The following SPOCK1 variants were observed in gnomAD, a reference collection of about 807,000 sequenced individuals.
SPOCK1 encodes testican-1.
SPOCK1 carries 23 observed loss-of-function variants against 55.3 expected under a neutral mutation model. The ratio of observed to expected loss-of-function variants is 0.42; its 90% CI spans 0.30 to 0.59. SPOCK1 has a LOEUF of 0.59. SPOCK1 is among the 20% of genes least tolerant of loss of function. SPOCK1 has a pLI of 0.22. For missense variants in SPOCK1, 499 were observed against 552.5 expected (o/e 0.90, Z 0.97); for synonymous variants, 226 against 221.0 (o/e 1.02, Z -0.20).
intron 6 of SPOCK1, 112 bp downstream of exon 6, chr5:137,067,603 T>C (rs1039295898): frequency 1.6e-5 from 14 of 861,948 alleles, no homozygotes; most frequent in Non-Finnish European, 2.6e-5. Context: ...ACCTGTCATG[T>C]CTGCTCATTT....
chr5:137,166,306 G>C (rs1425987460), intron 3 of SPOCK1, among the ~76,000 whole-genome samples: 1 of 152,036 alleles, frequency 6.6e-6, no homozygotes, highest in Admixed American at 6.6e-5. Context: ...CCCTAGAAAA[G>C]TGTATCTGGT....
intron 3 of SPOCK1, among the ~76,000 whole-genome samples, chr5:137,207,941 T>G (rs1426457352): frequency 6.6e-6 from 1 of 152,046 alleles, no homozygotes; most frequent in East Asian, 1.9e-4. Context: ...AATCAGAAAT[T>G]TCATCCTTTA....
intron 2 of SPOCK1, among the ~76,000 whole-genome samples, chr5:137,361,875 C>T (rs1750954010): frequency 6.6e-6 from 1 of 152,158 alleles, no homozygotes; most frequent in African/African-American, 2.4e-5. Context: ...AGTTCATGTT[C>T]CCAGAGTTTA....
chr5:137,265,086 G>A (rs961614230), intron 3 of SPOCK1, among the ~76,000 whole-genome samples: 1 of 152,150 alleles, frequency 6.6e-6, no homozygotes, highest in Non-Finnish European at 1.5e-5. Flanking sequence ...TCATTCCTAG[G>A]AGAGAAAAAT....
chr5:137,339,284 C>T (rs1750361036), intron 2 of SPOCK1, among the ~76,000 whole-genome samples: 1 of 152,356 alleles, frequency 6.6e-6, no homozygotes, highest in South Asian at 2.1e-4. Flanking sequence ...GTGACCCAAA[C>T]CTAAGTCAAC....
intron 3 of SPOCK1, among the ~76,000 whole-genome samples, chr5:137,239,588 A>C (rs1320892532): frequency 6.6e-6 from 1 of 152,066 alleles, no homozygotes; most frequent in Non-Finnish European, 1.5e-5. Flanking sequence ...TCTGACACCA[A>C]CTCCAAGTGG....
At chr5:137,030,506 T>G (rs1025638723) in intron 6 of SPOCK1, among the ~76,000 whole-genome samples, 2 of 152,158 alleles carry the variant, frequency 1.3e-5, no homozygotes, top group African/African-American at 2.4e-5. Flanking sequence ...ACCTCACAAG[T>G]AATCAAAGCA....
chr5:137,210,816 A>T (rs1459189721), intron 3 of SPOCK1, among the ~76,000 whole-genome samples: 3 of 152,244 alleles, frequency 2.0e-5, no homozygotes, highest in African/African-American at 7.2e-5. Flanking sequence ...GCTTTATGCC[A>T]GTTAGGGAAG....
At chr5:137,459,642 C>A (rs1753439723) in intron 2 of SPOCK1, among the ~76,000 whole-genome samples, 2 of 152,034 alleles carry the variant, frequency 1.3e-5, no homozygotes, top group African/African-American at 4.8e-5. Flanking sequence ...CATGTGGTTT[C>A]CAGCTTGTTC....
intron 3 of SPOCK1, among the ~76,000 whole-genome samples, chr5:137,145,565 C>A (rs1366349906): frequency 6.6e-6 from 1 of 152,172 alleles, no homozygotes; most frequent in African/African-American, 2.4e-5. Flanking sequence ...TGGGGGAAAT[C>A]ACACACATTT....
At chr5:137,108,523 A>T (rs571943148) in intron 5 of SPOCK1, among the ~76,000 whole-genome samples, 1 of 152,328 alleles carries the variant, frequency 6.6e-6, no homozygotes, top group East Asian at 1.9e-4. Context: ...AGAAGTGAAC[A>T]GATCACAGAT....
At chr5:137,187,375 T>C (rs541795131) in intron 3 of SPOCK1, among the ~76,000 whole-genome samples, 2 of 152,276 alleles carry the variant, frequency 1.3e-5, no homozygotes, top group Non-Finnish European at 2.9e-5. Flanking sequence ...ACATTCCTTA[T>C]CTAGTTAACA....
chr5:137,442,375 T>C (rs534994605), intron 2 of SPOCK1, among the ~76,000 whole-genome samples: 24 of 152,288 alleles, frequency 1.6e-4, no homozygotes, highest in Non-Finnish European at 2.6e-4. Flanking sequence ...CCAGGGAGAA[T>C]TGGGTTCAAA....
intron 2 of SPOCK1, among the ~76,000 whole-genome samples, chr5:137,444,459 T>C (rs1462046283): frequency 6.6e-6 from 1 of 152,104 alleles, no homozygotes; most frequent in Non-Finnish European, 1.5e-5. Context: ...TGATCCCCTC[T>C]CTCAGGTGCT....
chr5:137,160,613 TA>T (rs1754526797), intron 3 of SPOCK1, among the ~76,000 whole-genome samples: 1 of 81,410 alleles, frequency 1.2e-5, no homozygotes, highest in Non-Finnish European at 2.2e-5. Context: ...ATATAATATA[TA>T]ATATATATTT....
intron 3 of SPOCK1, among the ~76,000 whole-genome samples, chr5:137,213,776 G>A (rs151036400): frequency 1.3e-5 from 2 of 152,286 alleles, no homozygotes; most frequent in East Asian, 3.9e-4. Flanking sequence ...CTGGGAGAAT[G>A]GTTATTACTG....
intron 2 of SPOCK1, among the ~76,000 whole-genome samples, chr5:137,488,698 G>A (rs1023061585): frequency 6.6e-6 from 1 of 152,144 alleles, no homozygotes; most frequent in Non-Finnish European, 1.5e-5. Context: ...TTTTCTCCAT[G>A]TTTTATTTGG....
chr5:137,126,397 C>T (rs541861744), intron 4 of SPOCK1, among the ~76,000 whole-genome samples: 30 of 152,156 alleles, frequency 2.0e-4, no homozygotes, highest in Non-Finnish European at 4.1e-4. Flanking sequence ...TCCTTCATAG[C>T]AACACAAACA....
intron 6 of SPOCK1, among the ~76,000 whole-genome samples, chr5:137,063,368 GAAC>G (rs1182274846): frequency 1.6e-5 from 2 of 126,370 alleles, no homozygotes; most frequent in Non-Finnish European, 1.7e-5. Flanking sequence ...TAAACAAAGA[GAAC>G]AACAACAACA....
Sources: gnomAD v4.1 joint callset for allele counts (sites outside exome capture counted in the v4.1 genomes callset) on GRCh38, gnomAD v4.1.1 for gene constraint, MANE v1.5 for transcripts, NCBI Gene and HGNC (gene_info 2026-07-23, HGNC 2026-07-21) for gene names.